ANKRD36C: variants seen among roughly 807,000 people sequenced by gnomAD.
The protein encoded by ANKRD36C is ankyrin repeat domain 36C, also known as ankyrin repeat domain-containing protein 36C.
A neutral mutation model predicts 276.4 loss-of-function variants in ANKRD36C; 61 were observed. The observed-to-expected ratio is 0.22, with a 90% CI of 0.18 to 0.27. The LOEUF is 0.27. ANKRD36C is among the 10% of genes least tolerant of loss of function. ANKRD36C has a pLI of 1.00. For synonymous variants in ANKRD36C, 483 were observed against 680.1 expected (o/e 0.71, Z 4.51); for missense variants, 1,447 against 2,032.3 (o/e 0.71, Z 5.54).
intron 58 of ANKRD36C, among the ~76,000 whole-genome samples, chr2:95,880,185 A>G (rs1225401692): frequency 6.6e-6 from 1 of 151,798 alleles, no homozygotes; most frequent in Non-Finnish European, 1.5e-5. Flanking sequence ...TGTCTCCAAA[A>G]ACAAAAAACA....
chr2:95,954,677 A>C (rs1342112686), intron 13 of ANKRD36C, among the ~76,000 whole-genome samples: 2 of 152,176 alleles, frequency 1.3e-5, no homozygotes, highest in Non-Finnish European at 2.9e-5. Context: ...TAAAACATTA[A>C]AAATTTTAAA....
intron 49 of ANKRD36C, 42 bp from the exon 70 acceptor site, chr2:95,888,039 G>T: frequency 6.2e-7 from 1 of 1,607,578 alleles, no homozygotes. Context: ...CATAAACTAT[G>T]TTTCATAGAC....
At chr2:95,911,104 T>C (rs1200514478) in intron 42 of ANKRD36C, among the ~76,000 whole-genome samples, 1 of 151,510 alleles carries the variant, frequency 6.6e-6, no homozygotes, top group African/African-American at 2.4e-5. Context: ...TCACTTTGGA[T>C]ACCTGTTTGC....
At chr2:95,870,027 A>G (rs933093213) in intron 59 of ANKRD36C, among the ~76,000 whole-genome samples, 15 of 152,242 alleles carry the variant, frequency 9.9e-5, no homozygotes, top group Admixed American at 2.0e-4. Context: ...AACTGGGTGG[A>G]GCCCACCACA....
chr2:95,860,012 T>G (rs1431078330), exon 61 of ANKRD36C: 1 of 1,547,748 alleles, frequency 6.5e-7, no homozygotes, highest in South Asian at 1.2e-5. Context: ...TGATTATCTT[T>G]AAGTTCTGTT....
At position 95,902,413 on chromosome 2, in the gene ANKRD36C, C is replaced by T. The variant is rs1360078343; in HGVS notation, c.2654-3077G>A. ...TATAAATGACTTCCTCTTTTCACAC[C>T]TTCCTGCCTCACAATCCGTCTCCCT... On this transcript the variant is annotated intron_variant, in intron 42 of 66. Coordinates refer to ENST00000456556, the Ensembl canonical transcript of ANKRD36C. Among the ~76,000 whole-genome samples the T allele has an allele frequency of 3.3e-5, 5 of 150,326 alleles. 1 individual carries two copies. The highest frequency in any genetic ancestry group is 1.2e-4 in the African/African-American group (5 of 40,984).
chr2:95,887,545 C>G (rs189046581), intron 50 of ANKRD36C, among the ~76,000 whole-genome samples: 2 of 151,620 alleles, frequency 1.3e-5, no homozygotes, highest in Admixed American at 1.3e-4. Flanking sequence ...ATTAGGATCA[C>G]TATTCTGTCT....
chr2:95,984,357 G>C (rs904036138), intron 3 of ANKRD36C, among the ~76,000 whole-genome samples: 7 of 151,952 alleles, frequency 4.6e-5, no homozygotes, highest in Admixed American at 1.3e-4. Context: ...TAGGCTCAAG[G>C]GACACCAGAT....
chr2:95,879,135 C>T (rs1415910116), intron 58 of ANKRD36C, among the ~76,000 whole-genome samples: 2 of 152,140 alleles, frequency 1.3e-5, no homozygotes, highest in East Asian at 3.8e-4. Flanking sequence ...GAATAAGATC[C>T]TCTCATTCAC....
At chr2:95,865,155 T>A (rs1437942465) in intron 60 of ANKRD36C, among the ~76,000 whole-genome samples, 1 of 151,914 alleles carries the variant, frequency 6.6e-6, no homozygotes, top group African/African-American at 2.4e-5. Flanking sequence ...TGATAAAATA[T>A]GAAAAGACCT....
intron 7 of ANKRD36C, 25 bp from the exon 8 acceptor site, chr2:95,962,449 A>G: frequency 6.3e-7 from 1 of 1,584,878 alleles, no homozygotes; most frequent in Non-Finnish European, 8.6e-7. Context: ...AAACAAAATA[A>G]TCAATACGTA....
chr2:95,868,286 CT>C lies in ANKRD36C; in HGVS notation c.3541-706del, dbSNP rs528122129. Among the ~76,000 whole-genome samples the C allele has an allele frequency of 5.7e-3, 762 of 134,256 alleles. 3 individuals are homozygous for C. Among genetic ancestry groups the C allele is most frequent in the African/African-American group, 0.014 (526 of 36,790 alleles). 88.1% of individuals were successfully genotyped at this position (134,256 alleles called of 152,430 possible). ...TTTGTAACAACAGAAACACCATCATCTTTTTTTTTTTTTTTAAATCACATGC... is the reference window on the plus strand; with the variant it reads ...TTTGTAACAACAGAAACACCATCATCTTTTTTTTTTTTTTAAATCACATGC... On this transcript the variant is annotated intron_variant, in intron 59 of 66. Coordinates refer to ENST00000456556, the Ensembl canonical transcript of ANKRD36C.
chr2:95,977,178 G>A (rs1678828716), intron 6 of ANKRD36C, among the ~76,000 whole-genome samples: 1 of 152,042 alleles, frequency 6.6e-6, no homozygotes, highest in Admixed American at 6.6e-5. Flanking sequence ...CCTTTCTTGT[G>A]TGCAGTATAA....
chr2:95,859,971 T>C, exon 61 of ANKRD36C: 3 of 1,550,068 alleles, frequency 1.9e-6, no homozygotes, highest in South Asian at 2.4e-5. Context: ...TATTTTTCAG[T>C]TTTCGAATTT....
intron 63 of ANKRD36C, among the ~76,000 whole-genome samples, chr2:95,854,726 T>C (rs1233735046): frequency 6.6e-6 from 1 of 152,184 alleles, no homozygotes; most frequent in East Asian, 1.9e-4. Context: ...TATACATAAT[T>C]TGAGATTGAA....
intron 17 of ANKRD36C, 147 bp downstream of exon 17, chr2:95,948,383 C>T: frequency 1.4e-6 from 1 of 726,946 alleles, no homozygotes; most frequent in Non-Finnish European, 2.0e-6. Context: ...TTAACCCCCC[C>T]TATTTCTTTA....
chr2:95,929,972 G>C (rs2463562), intron 24 of ANKRD36C, among the ~76,000 whole-genome samples: 3 of 151,412 alleles, frequency 2.0e-5, no homozygotes, highest in Non-Finnish European at 3.0e-5. Flanking sequence ...TAATAAATTA[G>C]CAAATTTGAC....
intron 6 of ANKRD36C, among the ~76,000 whole-genome samples, chr2:95,972,226 T>C (rs1189003849): frequency 6.6e-6 from 1 of 152,202 alleles, no homozygotes; most frequent in Admixed American, 6.5e-5. Context: ...CTAAACTGTT[T>C]GCATAAACAA....
chr2:95,902,237 G>A (rs1676675342), intron 42 of ANKRD36C, among the ~76,000 whole-genome samples: 1 of 149,176 alleles, frequency 6.7e-6, no homozygotes, highest in Non-Finnish European at 1.5e-5. Flanking sequence ...GAGGAGTAAT[G>A]AGTCAGTGTG....
Sources: gnomAD v4.1 joint callset for allele counts (sites outside exome capture counted in the v4.1 genomes callset) on GRCh38, gnomAD v4.1.1 for gene constraint, MANE v1.5 for transcripts, NCBI Gene and HGNC (gene_info 2026-07-23, HGNC 2026-07-21) for gene names.